Variants in ABTB3 observed in about 807,000 individuals in gnomAD.
ABTB3 encodes the protein ankyrin repeat and BTB domain containing 3.
chr12:107,451,455 A>G, the ABTB3 span, among the ~76,000 whole-genome samples: 1 of 152,196 alleles, frequency 6.6e-6, no homozygotes, highest in East Asian at 1.9e-4. Context: ...GGAGTTAATA[A>G]ATAACTATCT....
the ABTB3 span, among the ~76,000 whole-genome samples, chr12:107,475,725 T>C: frequency 6.6e-6 from 1 of 152,072 alleles, no homozygotes; most frequent in Non-Finnish European, 1.5e-5. Context: ...CTTTTTTTTT[T>C]AATGAGGAAA....
the ABTB3 span, among the ~76,000 whole-genome samples, chr12:107,392,008 G>A: frequency 1.8e-4 from 27 of 152,300 alleles, no homozygotes; most frequent in Non-Finnish European, 2.9e-4. Flanking sequence ...CTGTGCAGTC[G>A]AAGGCAAGTT....
the ABTB3 span, among the ~76,000 whole-genome samples, chr12:107,323,123 A>C: frequency 6.6e-6 from 1 of 152,194 alleles, no homozygotes; most frequent in African/African-American, 2.4e-5. Flanking sequence ...TTCTTGAATC[A>C]TCTTTGCAAG....
chr12:107,583,168 A>C, the ABTB3 span, among the ~76,000 whole-genome samples: 1 of 152,212 alleles, frequency 6.6e-6, no homozygotes, highest in Non-Finnish European at 1.5e-5. Context: ...GTGTGAGCAC[A>C]AAGTAGGATA....
At chr12:107,608,902 TA>T in the ABTB3 span, among the ~76,000 whole-genome samples, 219 of 62,932 alleles carry the variant, frequency 3.5e-3, 8 homozygotes, top group African/African-American at 0.016. Context: ...ATAAATAAAA[TA>T]AAATAAAATA....
the ABTB3 span, among the ~76,000 whole-genome samples, chr12:107,654,162 A>G: frequency 1.5e-3 from 225 of 152,256 alleles, 1 homozygote; most frequent in African/African-American, 5.1e-3. Flanking sequence ...TGTACATGCC[A>G]TATTTTGTTT....
chr12:107,420,851 C>A, the ABTB3 span, among the ~76,000 whole-genome samples: 1 of 152,164 alleles, frequency 6.6e-6, no homozygotes, highest in African/African-American at 2.4e-5. Context: ...GAGGACACTA[C>A]CCCATCCCAC....
At chr12:107,328,166 C>T in the ABTB3 span, among the ~76,000 whole-genome samples, 2 of 152,184 alleles carry the variant, frequency 1.3e-5, no homozygotes, top group Admixed American at 6.5e-5. Flanking sequence ...ACCTCAACAA[C>T]CTTACAAAGC....
chr12:107,649,485 G>C, the ABTB3 span: 10 of 556,122 alleles, frequency 1.8e-5, no homozygotes, highest in African/African-American at 1.3e-4. Flanking sequence ...TGGCAGGCTG[G>C]GGTGCTAGTG....
the ABTB3 span, among the ~76,000 whole-genome samples, chr12:107,540,362 C>T: frequency 6.6e-6 from 1 of 152,142 alleles, no homozygotes; most frequent in Non-Finnish European, 1.5e-5. Context: ...ATCCAGGCCT[C>T]GGCCACTTGG....
At chr12:107,545,906 C>T in the ABTB3 span, among the ~76,000 whole-genome samples, 1 of 152,152 alleles carries the variant, frequency 6.6e-6, no homozygotes, top group South Asian at 2.1e-4. Flanking sequence ...CTCATGTCAT[C>T]TCCTGCTCCC....
the ABTB3 span, among the ~76,000 whole-genome samples, chr12:107,415,419 A>G: frequency 6.6e-6 from 1 of 152,084 alleles, no homozygotes; most frequent in African/African-American, 2.4e-5. Flanking sequence ...GGATAAAAAC[A>G]CAAACTGGGC....
the ABTB3 span, among the ~76,000 whole-genome samples, chr12:107,491,005 T>A: frequency 6.6e-6 from 1 of 152,124 alleles, no homozygotes; most frequent in African/African-American, 2.4e-5. Context: ...AGAACTCAGA[T>A]CTGCCAGACT....
At chr12:107,439,866 C>G in the ABTB3 span, among the ~76,000 whole-genome samples, 2 of 152,174 alleles carry the variant, frequency 1.3e-5, no homozygotes, top group Non-Finnish European at 1.5e-5. Context: ...TGTTTTGTTG[C>G]ATCCTTAAAA....
At chr12:107,406,284 G>T in the ABTB3 span, among the ~76,000 whole-genome samples, 1 of 152,184 alleles carries the variant, frequency 6.6e-6, no homozygotes, top group African/African-American at 2.4e-5. Flanking sequence ...GTCCCAGTCA[G>T]CCAGGTATGA....
chr12:107,429,137 G>A, the ABTB3 span, among the ~76,000 whole-genome samples: 1 of 152,232 alleles, frequency 6.6e-6, no homozygotes, highest in Admixed American at 6.5e-5. Flanking sequence ...CACAGAAAGT[G>A]CTGGGCTTCT....
At chr12:107,551,750 ATCT>A in the ABTB3 span, among the ~76,000 whole-genome samples, 2 of 144,330 alleles carry the variant, frequency 1.4e-5, no homozygotes, top group African/African-American at 2.6e-5. Flanking sequence ...GTGGGTTATA[ATCT>A]TCTTTTTTTT....
the ABTB3 span, among the ~76,000 whole-genome samples, chr12:107,638,333 A>G: frequency 1.3e-5 from 2 of 152,296 alleles, no homozygotes; most frequent in East Asian, 3.9e-4. Context: ...AAGTTACAGC[A>G]GTCTGGGGAA....
the ABTB3 span, among the ~76,000 whole-genome samples, chr12:107,458,856 C>T: frequency 6.6e-6 from 1 of 152,072 alleles, no homozygotes; most frequent in African/African-American, 2.4e-5. Context: ...GGAATGAGGC[C>T]CTTCTCCTTT....
Sources: gnomAD v4.1 joint callset for allele counts (sites outside exome capture counted in the v4.1 genomes callset) on GRCh38, gnomAD v4.1.1 for gene constraint, MANE v1.5 for transcripts, NCBI Gene and HGNC (gene_info 2026-07-23, HGNC 2026-07-21) for gene names.